PRIM2: variants seen among roughly 807,000 people sequenced by gnomAD.
PRIM2 encodes the protein DNA primase subunit 2, also known as DNA primase large subunit.
PRIM2 carries 39 observed loss-of-function variants against 67.3 expected under a neutral mutation model. The ratio of observed to expected loss-of-function variants is 0.58; its 90% CI spans 0.45 to 0.76. The LOEUF (loss-of-function observed/expected upper bound fraction) is 0.76, where lower values mean the gene tolerates loss of function less well. Ranked by LOEUF, PRIM2 falls within the 30% of genes least tolerant of loss-of-function variation. The pLI is 0.00. For synonymous variants in PRIM2, 143 were observed against 198.7 expected (o/e 0.72, Z 2.36); for missense variants, 398 against 598.7 (o/e 0.66, Z 3.50).
intron 8 of PRIM2, among the ~76,000 whole-genome samples, chr6:57,531,325 TG>T (rs1372309292): frequency 1.3e-5 from 2 of 152,236 alleles, no homozygotes; most frequent in African/African-American, 4.8e-5. Flanking sequence ...TTTTTGTTTT[TG>T]TTTTAATTTT....
rs1162082498 is a variant in PRIM2, at chr6:57,638,066, A to G, written c.1299+5865A>G. The stretch of plus-strand genomic sequence containing the variant: ...CAGCGGATCTCTCTGCAGAAACCCT[A>G]CAAGCCAGAATAGAGTGGGAGCCAA... On this transcript the variant is annotated intron_variant, in intron 13 of 13. Coordinates refer to ENST00000615550, the MANE Select transcript of PRIM2 (RefSeq NM_000947.5). 3.9e-3 allele frequency among the ~76,000 whole-genome samples: 596 copies of G among 151,466 alleles called. 3 individuals carry two copies. Among genetic ancestry groups the G allele is most frequent in the African/African-American group, 0.014 (559 of 40,750 alleles).
At chr6:57,600,440 C>A (rs1309907664) in intron 10 of PRIM2, among the ~76,000 whole-genome samples, 1 of 151,826 alleles carries the variant, frequency 6.6e-6, no homozygotes, top group Non-Finnish European at 1.5e-5. Context: ...CTCACTGCAG[C>A]CTCAACCCCC....
In PRIM2 at chr6:57,524,986, A is replaced by T. The variant is rs1444701282; in HGVS notation, c.762-7425A>T. ...GGAAATAGGACTTAAAGGGGTTTTT[A>T]AAATTATATTTTAATGGTCTTTGAT... On this transcript the variant is annotated intron_variant, in intron 8 of 13. Transcript: ENST00000615550. Among the ~76,000 whole-genome samples the T allele has an allele frequency of 3.9e-5, 6 of 152,114 alleles. No individual in the cohort carries two copies. The East Asian group carries it at 9.7e-4, about 25-fold the overall frequency.
rs1770101246 is a variant in PRIM2, at chr6:57,385,245, TG to T, written c.693+3078del. 7.9e-5 allele frequency among the ~76,000 whole-genome samples: 12 copies of T among 152,334 alleles called. No homozygotes were observed. The South Asian group carries it at 8.3e-4, about 11-fold the overall frequency. The stretch of plus-strand genomic sequence containing the variant: ...ACTGCACCTAAGCTTTCTACCTTGT[TG>T]TTAAGAAATAAGAGTATTTATGAAC... On this transcript the variant is annotated intron_variant, in intron 7 of 13. Coordinates refer to ENST00000615550, the MANE Select transcript of PRIM2 (RefSeq NM_000947.5).
intron 12 of PRIM2, among the ~76,000 whole-genome samples, chr6:57,631,441 G>A (rs1417787562): frequency 2.6e-5 from 4 of 152,028 alleles, no homozygotes; most frequent in Admixed American, 6.6e-5. Context: ...AGTTTGCACC[G>A]CTCTGAAGAG....
Position 57,646,275 on chromosome 6 carries a change from G to A in PRIM2, c.*117G>A. The A allele has an allele frequency of 1.6e-6, 1 of 633,926 alleles. No homozygotes were observed. Among genetic ancestry groups the A allele is most frequent in the South Asian group, 1.9e-5 (1 of 51,352 alleles). 39.3% of individuals were successfully genotyped at this position (633,926 alleles called of 1,614,324 possible). On this transcript the variant is annotated 3_prime_UTR_variant, in exon 14 of 14. Transcript: ENST00000615550. ...GGCTTAGTGCAGTGACACAATTACA[G>A]CTGATTGCAGCCTTGACCTTCCCAG...
At chr6:57,628,607 G>T (rs1776994042) in intron 12 of PRIM2, among the ~76,000 whole-genome samples, 1 of 152,170 alleles carries the variant, frequency 6.6e-6, no homozygotes, top group African/African-American at 2.4e-5. Flanking sequence ...AGTGAACATA[G>T]TACCTGATAG....
chr6:57,241,712 G>A, the PRIM2 span, among the ~76,000 whole-genome samples: 2 of 120,248 alleles, frequency 1.7e-5, no homozygotes, highest in Non-Finnish European at 1.6e-5. Context: ...TTTTGAGATG[G>A]AGTCTTGCTG....
intron 5 of PRIM2, among the ~76,000 whole-genome samples, chr6:57,346,106 C>T (rs61570855): frequency 0.13 from 19,781 of 151,992 alleles, 1,503 homozygotes; most frequent in Non-Finnish European, 0.17. Flanking sequence ...TCTTTAGGAC[C>T]TTTTGTCTTG....
chr6:57,310,464 C>T (rs560033344), upstream of PRIM2, among the ~76,000 whole-genome samples: 15 of 152,368 alleles, frequency 9.8e-5, no homozygotes, highest in South Asian at 2.1e-4. Context: ...TACACAGACA[C>T]GGTAACAATC....
chr6:57,547,145 A>G (rs1208448836), intron 10 of PRIM2, among the ~76,000 whole-genome samples: 94 of 152,278 alleles, frequency 6.2e-4, no homozygotes, highest in African/African-American at 2.2e-3. Context: ...AAAGTTTTTC[A>G]TGTTTTTCTT....
chr6:57,569,008 T>C (rs1775805056), intron 10 of PRIM2, among the ~76,000 whole-genome samples: 2 of 152,266 alleles, frequency 1.3e-5, no homozygotes, highest in Non-Finnish European at 2.9e-5. Context: ...CTTTCTGAAC[T>C]TCAGATTGCT....
intron 10 of PRIM2, among the ~76,000 whole-genome samples, chr6:57,577,955 A>G (rs1775993165): frequency 6.6e-6 from 1 of 152,172 alleles, no homozygotes; most frequent in African/African-American, 2.4e-5. Flanking sequence ...TCCAAGATCC[A>G]GTTCAAGACT....
At chr6:57,348,186 G>A (rs1044698233) in intron 5 of PRIM2, among the ~76,000 whole-genome samples, 3 of 151,844 alleles carry the variant, frequency 2.0e-5, no homozygotes, top group Non-Finnish European at 2.9e-5. Flanking sequence ...TTTCTAGCCC[G>A]TAGTTTTTCT....
chr6:57,337,356 A>T (rs1266537129), intron 5 of PRIM2, among the ~76,000 whole-genome samples: 3 of 152,078 alleles, frequency 2.0e-5, no homozygotes, highest in African/African-American at 7.2e-5. Context: ...TGCACCAAGC[A>T]GACCTAATAG....
intron 7 of PRIM2, among the ~76,000 whole-genome samples, chr6:57,393,741 C>T (rs915998812): frequency 7.9e-5 from 12 of 151,868 alleles, no homozygotes; most frequent in Non-Finnish European, 1.3e-4. Context: ...TTGCCTAAGC[C>T]AGTGTCTAAA....
Position 57,521,875 on chromosome 6 carries a change from C to G in PRIM2, c.762-10536C>G, listed in dbSNP as rs1554348958. 3.8e-3 allele frequency among the ~76,000 whole-genome samples: 578 copies of G among 151,648 alleles called. 6 individuals are homozygous for G. The highest frequency in any genetic ancestry group is 0.02 in the Middle Eastern group (6 of 294). Reference sequence around the variant, plus strand: ...GGGGAGGGAGGGCAGAGAAATACCCCCTGAGGATGAGGGAGGAATTCTTTA... The same window carrying G: ...GGGGAGGGAGGGCAGAGAAATACCCGCTGAGGATGAGGGAGGAATTCTTTA... On this transcript the variant is annotated intron_variant, in intron 8 of 13. Transcript: ENST00000615550.
chr6:57,512,524 C>G (rs1172851864), intron 8 of PRIM2, among the ~76,000 whole-genome samples: 6 of 152,162 alleles, frequency 3.9e-5, no homozygotes, highest in African/African-American at 9.6e-5. Flanking sequence ...GGTTATTTAT[C>G]ATAATCCCTA....
At chr6:57,527,304 A>C (rs1469345888) in intron 8 of PRIM2, among the ~76,000 whole-genome samples, 1 of 152,208 alleles carries the variant, frequency 6.6e-6, no homozygotes, top group African/African-American at 2.4e-5. Context: ...GTTTAGGCTA[A>C]ATAGTTTTTA....
Sources: allele counts gnomAD v4.1 joint callset (sites outside exome capture counted in the v4.1 genomes callset), GRCh38; gene constraint gnomAD v4.1.1; transcripts MANE v1.5; gene names NCBI Gene and HGNC (gene_info 2026-07-23, HGNC 2026-07-21).